The following PPIH variants were observed in gnomAD, a reference collection of about 807,000 sequenced individuals.
PPIH encodes peptidylprolyl isomerase H.
A neutral mutation model predicts 27.6 loss-of-function variants in PPIH; 16 were observed. The observed-to-expected ratio is 0.58, with a 90% CI of 0.39 to 0.88. PPIH has a LOEUF of 0.88. PPIH is among the 40% of genes least tolerant of loss of function. The pLI, the probability that PPIH is intolerant of heterozygous loss-of-function variation, is 0.00. For synonymous variants in PPIH, 63 were observed against 76.1 expected (o/e 0.83, Z 0.90); for missense variants, 155 against 224.1 (o/e 0.69, Z 1.97).
chr1:42,658,774 C>T (rs992294151), intron 1 of PPIH, 70 bp from the exon 2 acceptor site: 10 of 1,548,828 alleles, frequency 6.5e-6, no homozygotes, highest in Non-Finnish European at 8.9e-6. Context: ...GTCAGCCCAT[C>T]ATGCCCCCTG....
intron 2 of PPIH, 127 bp downstream of exon 2, chr1:42,659,035 T>G: frequency 7.7e-7 from 1 of 1,302,120 alleles, no homozygotes; most frequent in Non-Finnish European, 1.1e-6. Context: ...CCTCCATGCA[T>G]TGCTCTGTCT....
At chr1:42,677,810 G>C (rs1041351894), downstream of PPIH, among the ~76,000 whole-genome samples, 1 of 152,214 alleles carries the variant, frequency 6.6e-6, no homozygotes, top group African/African-American at 2.4e-5. Flanking sequence ...GAGTGACAGA[G>C]TGAGACCCCA....
chr1:42,659,508 C>T lies in PPIH; in HGVS notation c.156-14C>T, dbSNP rs778571797. On this transcript the variant is annotated splice_polypyrimidine_tract_variant and intron_variant, in intron 3 of 9. Transcript: ENST00000304979. ...ACCTGCTGTCACTCCAAGTCTCTTTCTTTTCGGTTATAGGAAAGATGGGGT... is the reference window on the plus strand; with the variant it reads ...ACCTGCTGTCACTCCAAGTCTCTTTTTTTTCGGTTATAGGAAAGATGGGGT... 4 of 1,614,206 alleles carry T rather than the reference C, an allele frequency of 2.5e-6. No individual in the cohort carries two copies. Among genetic ancestry groups the T allele is most frequent in the Non-Finnish European group, 3.4e-6 (4 of 1,180,046 alleles).
At chr1:42,670,218 C>T (rs1275826409) in intron 9 of PPIH, among the ~76,000 whole-genome samples, 1 of 152,146 alleles carries the variant, frequency 6.6e-6, no homozygotes, top group Non-Finnish European at 1.5e-5. Context: ...ACACCCTGAG[C>T]TTTCCTTTCT....
At position 42,658,507 on chromosome 1, in the gene PPIH, G is replaced by A. The variant is rs777787503; in HGVS notation, c.61G>A (p.Gly21Ser). 6.2e-7 allele frequency: 1 copy of A among 1,613,966 alleles called. No individual in the cohort carries two copies. The highest frequency in any genetic ancestry group is 8.5e-7 in the Non-Finnish European group (1 of 1,179,804). ...GGTGTTCTTTGATGTCAGTATTGGC[G>A]GTCAGGTGAGATCCAGGAGGCTGCC... Reference protein sequence around the residue: ...PVVFFDVSIGGQEVGRMKIEL... With the variant: ...PVVFFDVSIGSQEVGRMKIEL... Residue 21 changes from glycine to serine, a missense_variant, in exon 1 of 10, where the codon GGT becomes AGT. Gly to Ser is a moderately conservative substitution (Grantham distance 56, BLOSUM62 0). Coordinates refer to ENST00000304979, the MANE Select transcript of PPIH (RefSeq NM_006347.4).
intron 5 of PPIH, among the ~76,000 whole-genome samples, chr1:42,663,296 A>C (rs1354616324): frequency 6.6e-6 from 1 of 152,222 alleles, no homozygotes; most frequent in Non-Finnish European, 1.5e-5. Flanking sequence ...GATAACTGTA[A>C]AGAGTAGGTA....
At chr1:42,673,473 T>G (rs1234730558) in intron 9 of PPIH, among the ~76,000 whole-genome samples, 5 of 152,224 alleles carry the variant, frequency 3.3e-5, no homozygotes, top group African/African-American at 1.2e-4. Flanking sequence ...CTCTTCCCTG[T>G]GATCCTCAAA....
chr1:42,658,734 G>A (rs1648808803), intron 1 of PPIH, 110 bp from the exon 2 acceptor site: 2 of 1,311,560 alleles, frequency 1.5e-6, no homozygotes, highest in East Asian at 2.3e-5. Flanking sequence ...GGGAGGCGGA[G>A]GTGGGAGATA....
chr1:42,679,232 C>G (rs1649966313), downstream of PPIH, among the ~76,000 whole-genome samples: 2 of 152,358 alleles, frequency 1.3e-5, no homozygotes, highest in African/African-American at 4.8e-5. Flanking sequence ...GTCTGTCACC[C>G]AGGCTGGAGT....
chr1:42,659,813 G>A (rs926579787), intron 4 of PPIH, among the ~76,000 whole-genome samples: 2 of 152,122 alleles, frequency 1.3e-5, no homozygotes, highest in African/African-American at 2.4e-5. Flanking sequence ...TTGTTTGTGC[G>A]AATGCAGATT....
Position 42,666,304 on chromosome 1 carries a change from A to G in PPIH, c.424+237A>G, listed in dbSNP as rs556738992. 2.0e-5 allele frequency among the ~76,000 whole-genome samples: 3 copies of G among 152,338 alleles called. No homozygotes were observed. The South Asian group carries it at 6.2e-4, about 32-fold the overall frequency. On this transcript the variant is annotated intron_variant, in intron 7 of 9. Transcript: ENST00000304979. Reference sequence around the variant, plus strand: ...CACTTAGGGAGAAAACCCAGTTGCTAGCACCAAAGAAATGCCATAGAGGCA... The same window carrying G: ...CACTTAGGGAGAAAACCCAGTTGCTGGCACCAAAGAAATGCCATAGAGGCA...
At chr1:42,669,194 CA>C (rs11297325) in intron 9 of PPIH, among the ~76,000 whole-genome samples, 84,841 of 131,492 alleles carry the variant, frequency 0.65, 26,255 homozygotes, top group East Asian at 0.69. Context: ...TGGATGACAT[CA>C]AAAAAAAAAA....
intron 9 of PPIH, among the ~76,000 whole-genome samples, chr1:42,669,001 G>A (rs1170778029): frequency 6.6e-6 from 1 of 151,894 alleles, no homozygotes; most frequent in Non-Finnish European, 1.5e-5. Context: ...CTTGAGCTCA[G>A]GAGTTCGAGA....
downstream of PPIH, among the ~76,000 whole-genome samples, chr1:42,677,286 C>A (rs780761674): frequency 1.3e-5 from 2 of 151,610 alleles, no homozygotes; most frequent in Non-Finnish European, 2.9e-5. Context: ...CCAGCCTGGC[C>A]AAGATGGTGA....
chr1:42,659,314 A>AGTG (rs1557508586), intron 3 of PPIH, 63 bp downstream of exon 3: 1 of 1,614,178 alleles, frequency 6.2e-7, no homozygotes, highest in East Asian at 2.2e-5. Flanking sequence ...GGCTGCAGTG[A>AGTG]GGGTATCGGT....
intron 9 of PPIH, among the ~76,000 whole-genome samples, chr1:42,669,008 G>A (rs1221579200): frequency 6.6e-6 from 1 of 151,188 alleles, no homozygotes; most frequent in Non-Finnish European, 1.5e-5. Context: ...TCAGGAGTTC[G>A]AGACCAGCCT....
In PPIH at chr1:42,664,893, C is replaced by CGG; in HGVS notation, c.278_279dup (p.Pro94GlyfsTer57). 1 of 1,613,624 alleles carries CGG rather than the reference C, an allele frequency of 6.2e-7. No homozygotes were observed. Among genetic ancestry groups the CGG allele is most frequent in the South Asian group, 1.1e-5 (1 of 90,962 alleles). ...TGGTACTGGAGTCGCCAGTATTTAC[C>CGG]GGGGGCCATTTGCAGATGAAAATTT... On this transcript the variant is annotated frameshift_variant, in exon 6 of 10. Coordinates refer to ENST00000304979, the MANE Select transcript of PPIH (RefSeq NM_006347.4). LOFTEE classifies it high-confidence loss of function.
intron 9 of PPIH, among the ~76,000 whole-genome samples, chr1:42,676,133 C>A (rs2148729878): frequency 6.6e-6 from 1 of 152,290 alleles, no homozygotes; most frequent in East Asian, 1.9e-4. Flanking sequence ...GAGAATCTGA[C>A]CTGTTCTACC....
At chr1:42,678,923 T>C (rs1649961058), downstream of PPIH, 1 of 152,258 alleles carries the variant, frequency 6.6e-6, no homozygotes, top group Non-Finnish European at 1.5e-5. Context: ...GAGGGCTTTC[T>C]AGGAAGAGGG....
Sources: gnomAD v4.1 joint callset for allele counts (sites outside exome capture counted in the v4.1 genomes callset) on GRCh38, gnomAD v4.1.1 for gene constraint, MANE v1.5 for transcripts, NCBI Gene and HGNC (gene_info 2026-07-23, HGNC 2026-07-21) for gene names.